Variants in SGCZ observed in about 807,000 individuals in gnomAD.
SGCZ encodes the protein sarcoglycan zeta.
SGCZ carries 40 observed loss-of-function variants against 41.3 expected under a neutral mutation model. The ratio of observed to expected loss-of-function variants is 0.97; its 90% CI spans 0.75 to 1.26. The LOEUF is 1.26. SGCZ is among the 50% of genes most tolerant of loss of function. SGCZ has a pLI of 0.00. For missense variants in SGCZ, 552 were observed against 369.8 expected (o/e 1.49, Z -4.04); for synonymous variants, 206 against 137.5 (o/e 1.50, Z -3.49).
At chr8:14,636,749 C>T (rs1806841524) in intron 1 of SGCZ, among the ~76,000 whole-genome samples, 1 of 151,718 alleles carries the variant, frequency 6.6e-6, no homozygotes, top group South Asian at 2.1e-4. Flanking sequence ...AACCTTATGA[C>T]TAAATGAGAT....
intron 2 of SGCZ, among the ~76,000 whole-genome samples, chr8:14,548,117 A>T (rs1365859780): frequency 1.3e-5 from 2 of 152,170 alleles, no homozygotes; most frequent in African/African-American, 4.8e-5. Context: ...TGATTTCTAC[A>T]TCAGCCTGAT....
Position 14,734,306 on chromosome 8 carries a change from A to G in SGCZ, c.40-179380T>C, listed in dbSNP as rs574691090. ...GAAAATAAGATATCTACAAAATTGT[A>G]ATAAAATAAGAACACATCATTGAAT... is the stretch of plus-strand genomic sequence containing the variant. On this transcript the variant is annotated intron_variant, in intron 1 of 7. Coordinates refer to ENST00000382080, the MANE Select transcript of SGCZ (RefSeq NM_139167.4). 1.5e-4 allele frequency among the ~76,000 whole-genome samples: 23 copies of G among 152,292 alleles called. No individual in the cohort carries two copies. In the South Asian group the frequency reaches 4.6e-3, roughly 30 times the overall value.
intron 1 of SGCZ, among the ~76,000 whole-genome samples, chr8:14,810,186 C>G (rs1801698077): frequency 6.6e-6 from 1 of 151,752 alleles, no homozygotes; most frequent in South Asian, 2.1e-4. Flanking sequence ...AAAGAAATAA[C>G]AAGATACTTA....
intron 2 of SGCZ, among the ~76,000 whole-genome samples, chr8:14,493,956 G>C (rs912302226): frequency 3.3e-5 from 5 of 152,104 alleles, no homozygotes; most frequent in South Asian, 2.1e-4. Flanking sequence ...ATTCAGCCAT[G>C]ATTCCAGAGA....
chr8:14,651,330 A>G (rs1041030499), intron 1 of SGCZ, among the ~76,000 whole-genome samples: 7 of 152,138 alleles, frequency 4.6e-5, no homozygotes, highest in African/African-American at 1.2e-4. Context: ...TATTATTTAG[A>G]AGCATTTCAA....
At chr8:14,867,043 T>G (rs564577048) in intron 1 of SGCZ, among the ~76,000 whole-genome samples, 32 of 152,150 alleles carry the variant, frequency 2.1e-4, no homozygotes, top group African/African-American at 6.7e-4. Flanking sequence ...CACCAAGGTG[T>G]TTTTTGTTCT....
chr8:14,093,084 A>T (rs1192639773), intron 7 of SGCZ, among the ~76,000 whole-genome samples: 1 of 152,114 alleles, frequency 6.6e-6, no homozygotes, highest in African/African-American at 2.4e-5. Context: ...GAGCAAAGAA[A>T]TAGCTCTCTC....
intron 1 of SGCZ, among the ~76,000 whole-genome samples, chr8:14,673,279 C>T (rs1010347829): frequency 1.4e-4 from 21 of 152,222 alleles, no homozygotes; most frequent in African/African-American, 5.1e-4. Flanking sequence ...GTAATTCCCA[C>T]ATGTCAAGGG....
At chr8:14,501,155 T>C (rs915013874) in intron 2 of SGCZ, among the ~76,000 whole-genome samples, 1 of 151,978 alleles carries the variant, frequency 6.6e-6, no homozygotes, top group Non-Finnish European at 1.5e-5. Flanking sequence ...TGTGGGATCA[T>C]GGCCCCTTTA....
At chr8:15,066,849 G>C (rs1002766320) in intron 1 of SGCZ, among the ~76,000 whole-genome samples, 21 of 152,106 alleles carry the variant, frequency 1.4e-4, no homozygotes, top group African/African-American at 3.6e-4. Context: ...AAGTATTATA[G>C]TTGGAAAGCA....
intron 2 of SGCZ, among the ~76,000 whole-genome samples, chr8:14,428,297 A>G (rs1412984378): frequency 2.6e-5 from 4 of 151,992 alleles, no homozygotes; most frequent in Non-Finnish European, 2.9e-5. Context: ...ACATTTATCT[A>G]TGCATTTTTA....
At chr8:14,264,650 T>A (rs1428433927) in intron 3 of SGCZ, among the ~76,000 whole-genome samples, 1 of 152,100 alleles carries the variant, frequency 6.6e-6, no homozygotes, top group Admixed American at 6.5e-5. Flanking sequence ...AGAAATCTCG[T>A]GAAGAACAAG....
intron 3 of SGCZ, among the ~76,000 whole-genome samples, chr8:14,291,481 A>C (rs35753840): frequency 0.27 from 40,290 of 151,806 alleles, 6,820 homozygotes; most frequent in Non-Finnish European, 0.38. Flanking sequence ...TTATTTGTGC[A>C]CTTTTATGCT....
Position 15,118,640 on chromosome 8 carries a change from A to T in SGCZ, c.39+118945T>A, listed in dbSNP as rs61308505. Among the ~76,000 whole-genome samples the T allele has an allele frequency of 7.9e-3, 1,205 of 152,282 alleles. 16 individuals carry two copies. The highest frequency in any genetic ancestry group is 0.026 in the African/African-American group (1,071 of 41,550). On this transcript the variant is annotated intron_variant, in intron 1 of 7. Coordinates refer to ENST00000382080, the MANE Select transcript of SGCZ (RefSeq NM_139167.4). ...TTTCAATAATGAAGTTAATAGGTCA[A>T]TCAAAAATAAGGTTGAGACCCTCTG...
At chr8:14,457,863 G>C (rs1389740036) in intron 2 of SGCZ, among the ~76,000 whole-genome samples, 1 of 152,048 alleles carries the variant, frequency 6.6e-6, no homozygotes, top group Non-Finnish European at 1.5e-5. Context: ...CAGACATTCG[G>C]GGCCACTACC....
rs75580931 is a variant in SGCZ at position 14,973,788 on chromosome 8, T to C, written c.39+263797A>G. Among the ~76,000 whole-genome samples the C allele has an allele frequency of 4.7e-3, 716 of 152,314 alleles. 10 individuals carry two copies. Among genetic ancestry groups the C allele is most frequent in the African/African-American group, 0.017 (688 of 41,576 alleles). The stretch of plus-strand genomic sequence containing the variant: ...ACGTTTTGGTAACAAGTCCTCTTTA[T>C]TTGCCTGTGAATTCTGAATGTCTTT... On this transcript the variant is annotated intron_variant, in intron 1 of 7. Coordinates refer to ENST00000382080, the MANE Select transcript of SGCZ (RefSeq NM_139167.4).
At chr8:14,173,760 CAG>C (rs34937966) in intron 4 of SGCZ, among the ~76,000 whole-genome samples, 52,773 of 151,792 alleles carry the variant, frequency 0.35, 11,847 homozygotes, top group Non-Finnish European at 0.51. Context: ...GTACAGGAAA[CAG>C]AGCGAGATGA....
rs1225063587 is a variant in SGCZ at position 14,085,975 on chromosome 8, AC to A, written c.*4467del. 6.6e-6 allele frequency among the ~76,000 whole-genome samples: 1 copy of A among 151,762 alleles called. No individual in the cohort carries two copies. The highest frequency in any genetic ancestry group is 2.4e-5 in the African/African-American group (1 of 41,408). On this transcript the variant is annotated 3_prime_UTR_variant, in exon 8 of 8. Coordinates refer to ENST00000382080, the MANE Select transcript of SGCZ (RefSeq NM_139167.4). Reference sequence around the variant, plus strand: ...ATTTCAGTATAAAACAACATGAATAACAGTGTTCAATTAAATTATTGATTAG... The same window carrying A: ...ATTTCAGTATAAAACAACATGAATAAAGTGTTCAATTAAATTATTGATTAG...
chr8:14,189,232 A>G (rs1435514770), intron 4 of SGCZ, among the ~76,000 whole-genome samples: 3 of 151,900 alleles, frequency 2.0e-5, no homozygotes, highest in African/African-American at 7.3e-5. Context: ...TTAGTGGGTA[A>G]CTCTGCTTTC....
Sources: gnomAD v4.1 joint callset for allele counts (sites outside exome capture counted in the v4.1 genomes callset) on GRCh38, gnomAD v4.1.1 for gene constraint, MANE v1.5 for transcripts, NCBI Gene and HGNC (gene_info 2026-07-23, HGNC 2026-07-21) for gene names.